BMPR2: variants seen among roughly 807,000 people sequenced by gnomAD.
The protein encoded by BMPR2 is bone morphogenetic protein receptor type 2, also known as bone morphogenetic protein receptor type-2.
BMPR2 carries 29 observed loss-of-function variants against 100.8 expected under a neutral mutation model. The observed-to-expected ratio is 0.29, with a 90% CI of 0.21 to 0.39. The LOEUF (loss-of-function observed/expected upper bound fraction) is 0.39, where lower values mean the gene tolerates loss of function less well. Ranked by LOEUF, BMPR2 falls within the 10% of genes least tolerant of loss-of-function variation. The probability of loss-of-function intolerance (pLI) is 1.00; values close to 1 mark genes in which losing one functional copy is unlikely to be tolerated. For missense variants in BMPR2, 1,011 were observed against 1,274.5 expected, an observed-to-expected ratio of 0.79 and a Z score of 3.15; for synonymous variants, 382 against 442.3, an observed-to-expected ratio of 0.86 and a Z score of 1.71.
chr2:202,544,819 T>C (rs978689000), intron 10 of BMPR2, among the ~76,000 whole-genome samples: 2 of 146,140 alleles, frequency 1.4e-5, no homozygotes, highest in East Asian at 4.1e-4. Flanking sequence ...GGCTGGAGTA[T>C]AGTGGTGTGA....
chr2:202,444,075 G>A (rs1399663609), intron 1 of BMPR2, among the ~76,000 whole-genome samples: 1 of 150,592 alleles, frequency 6.6e-6, no homozygotes, highest in Non-Finnish European at 1.5e-5. Context: ...AATATCCCCT[G>A]GGGCGTAAAA....
At chr2:202,507,756 A>G (rs951403601) in intron 3 of BMPR2, among the ~76,000 whole-genome samples, 14 of 149,776 alleles carry the variant, frequency 9.3e-5, no homozygotes, top group African/African-American at 3.5e-4. Context: ...CTGGAGTGCA[A>G]TGGCGCCATC....
At chr2:202,496,103 A>G (rs1264575206) in intron 3 of BMPR2, among the ~76,000 whole-genome samples, 1 of 152,264 alleles carries the variant, frequency 6.6e-6, no homozygotes, top group Non-Finnish European at 1.5e-5. Flanking sequence ...AAATGCTGCA[A>G]ACATCATTTA....
intron 1 of BMPR2, among the ~76,000 whole-genome samples, chr2:202,394,071 C>T (rs1040368239): frequency 1.3e-5 from 2 of 152,074 alleles, no homozygotes; most frequent in African/African-American, 2.4e-5. Flanking sequence ...TACTCCTGGC[C>T]GGGCGTGGTG....
intron 12 of BMPR2, 26 bp downstream of exon 12, chr2:202,556,557 T>G: frequency 2.0e-5 from 32 of 1,601,974 alleles, no homozygotes; most frequent in Middle Eastern, 1.7e-4. Flanking sequence ...ATATAATCTC[T>G]CCTGTGTGTC....
At position 202,376,800 on chromosome 2, in the gene BMPR2, G is replaced by T. The variant is rs1690156287; in HGVS notation, c.-675G>T. The T allele has an allele frequency of 7.5e-6, 3 of 402,140 alleles. No individual in the cohort carries two copies. Among genetic ancestry groups the T allele is most frequent in the African/African-American group, 4.1e-5 (2 of 48,452 alleles). The allele number at this position is 402,140 out of a possible 1,614,324, so 24.9% of individuals were successfully genotyped here. ...CCTCCCCCGCTCCTACCTCTCCTCA[G>T]CCTTCGCCAGGGCCTCCCCAACCCT... On this transcript the variant is annotated 5_prime_UTR_variant, in exon 1 of 13. Transcript: ENST00000374580.
intron 1 of BMPR2, among the ~76,000 whole-genome samples, chr2:202,442,501 A>G (rs946566791): frequency 5.3e-5 from 8 of 150,442 alleles, no homozygotes; most frequent in East Asian, 3.8e-4. Flanking sequence ...ATATAGTACA[A>G]TATTGCCAAC....
intron 5 of BMPR2, 136 bp from the exon 6 acceptor site, chr2:202,518,686 T>C: frequency 1.2e-6 from 1 of 810,840 alleles, no homozygotes; most frequent in East Asian, 2.7e-5. Flanking sequence ...ACAGAATTTA[T>C]TAATTTCTTG....
At chr2:202,410,516 G>A (rs1449602787) in intron 1 of BMPR2, among the ~76,000 whole-genome samples, 1 of 152,182 alleles carries the variant, frequency 6.6e-6, no homozygotes, top group Non-Finnish European at 1.5e-5. Context: ...CGAATCCATA[G>A]AATATAATAA....
intron 1 of BMPR2, among the ~76,000 whole-genome samples, chr2:202,461,548 C>T (rs1458888174): frequency 6.6e-6 from 1 of 152,138 alleles, no homozygotes; most frequent in East Asian, 1.9e-4. Context: ...CATCAATAAG[C>T]ATGTGTAATT....
intron 1 of BMPR2, among the ~76,000 whole-genome samples, chr2:202,436,457 A>C (rs896784849): frequency 6.7e-6 from 1 of 149,782 alleles, no homozygotes; most frequent in African/African-American, 2.5e-5. Context: ...AGAAAAAAAA[A>C]CAACAACAGC....
At chr2:202,491,692 C>T (rs1226275402) in intron 3 of BMPR2, among the ~76,000 whole-genome samples, 1 of 152,144 alleles carries the variant, frequency 6.6e-6, no homozygotes, top group Non-Finnish European at 1.5e-5. Flanking sequence ...GCATGAGGCA[C>T]CACGCCTGGC....
intron 9 of BMPR2, among the ~76,000 whole-genome samples, chr2:202,535,483 G>C (rs866543692): frequency 7.3e-5 from 11 of 150,708 alleles, no homozygotes; most frequent in Admixed American, 2.6e-4. Context: ...CATCTCAGAC[G>C]ATGGGCGGCC....
chr2:202,483,820 A>G (rs902503951), intron 3 of BMPR2, among the ~76,000 whole-genome samples: 4 of 152,204 alleles, frequency 2.6e-5, no homozygotes, highest in Non-Finnish European at 1.5e-5. Flanking sequence ...GACCGGGTAC[A>G]GTGGCTCATG....
intron 3 of BMPR2, among the ~76,000 whole-genome samples, chr2:202,493,740 T>C (rs1692960466): frequency 6.6e-6 from 1 of 152,194 alleles, no homozygotes; most frequent in South Asian, 2.1e-4. Flanking sequence ...TTTCCCATTT[T>C]TTCATGTCTT....
At chr2:202,415,030 C>A (rs761855545) in intron 1 of BMPR2, among the ~76,000 whole-genome samples, 1 of 152,000 alleles carries the variant, frequency 6.6e-6, no homozygotes, top group African/African-American at 2.4e-5. Flanking sequence ...CCGTGCCCAG[C>A]CCCCTCAGTC....
At chr2:202,403,898 G>C (rs538753063) in intron 1 of BMPR2, among the ~76,000 whole-genome samples, 9 of 152,002 alleles carry the variant, frequency 5.9e-5, no homozygotes, top group Non-Finnish European at 8.8e-5. Flanking sequence ...CCAGCTGCTT[G>C]GGAGGCTGAG....
chr2:202,490,614 A>C (rs1692881481), intron 3 of BMPR2, among the ~76,000 whole-genome samples: 1 of 152,208 alleles, frequency 6.6e-6, no homozygotes, highest in Admixed American at 6.5e-5. Flanking sequence ...ATAGAGTTGG[A>C]TTAAAAATAG....
In BMPR2 at chr2:202,505,661, A is replaced by G. The variant is rs1054225433; in HGVS notation, c.419-8058A>G. Among the ~76,000 whole-genome samples, 137 of 152,284 alleles carry G rather than the reference A, an allele frequency of 9.0e-4. 1 individual carries two copies. The highest frequency in any genetic ancestry group is 3.1e-3 in the African/African-American group (128 of 41,552). On this transcript the variant is annotated intron_variant, in intron 3 of 12. Coordinates refer to ENST00000374580, the MANE Select transcript of BMPR2 (RefSeq NM_001204.7). ...TCCTTTGGCTGGAGCTTGGCAAGCT[A>G]GAGGTGGTGCTGGCACTCTATAACC... is the stretch of plus-strand genomic sequence containing the variant.
Sources: gnomAD v4.1 joint callset for allele counts (sites outside exome capture counted in the v4.1 genomes callset) on GRCh38, gnomAD v4.1.1 for gene constraint, MANE v1.5 for transcripts, NCBI Gene and HGNC (gene_info 2026-07-23, HGNC 2026-07-21) for gene names.